PTPRK: variants seen among roughly 807,000 people sequenced by gnomAD.
PTPRK encodes receptor-type tyrosine-protein phosphatase kappa.
Under a neutral mutation model 178.0 loss-of-function variants are expected in PTPRK, and 75 were observed. The ratio of observed to expected loss-of-function variants is 0.42; its 90% CI spans 0.35 to 0.51. The LOEUF (loss-of-function observed/expected upper bound fraction) is 0.51. Ranked by LOEUF, PTPRK falls within the 20% of genes least tolerant of loss-of-function variation. PTPRK has a pLI of 0.02. For missense variants in PTPRK, 1,441 were observed against 1,797.8 expected (o/e 0.80, Z 3.59); for synonymous variants, 637 against 620.6 (o/e 1.03, Z -0.39).
At chr6:128,154,809 T>C (rs928997582) in intron 7 of PTPRK, among the ~76,000 whole-genome samples, 1 of 151,848 alleles carries the variant, frequency 6.6e-6, no homozygotes, top group African/African-American at 2.4e-5. Context: ...TACAAACCTA[T>C]ATTCCATTTT....
At chr6:128,052,355 A>G (rs1434990198) in intron 13 of PTPRK, among the ~76,000 whole-genome samples, 1 of 152,116 alleles carries the variant, frequency 6.6e-6, no homozygotes, top group Admixed American at 6.5e-5. Context: ...AAAATTCCCA[A>G]TTGTCCTAAT....
chr6:128,053,289 G>A (rs1018823010), intron 13 of PTPRK, among the ~76,000 whole-genome samples: 2 of 151,790 alleles, frequency 1.3e-5, no homozygotes, highest in African/African-American at 4.8e-5. Flanking sequence ...CCTTCCCTGT[G>A]CGGCTGTGCT....
intron 7 of PTPRK, among the ~76,000 whole-genome samples, chr6:128,170,967 C>T (rs1024136258): frequency 1.3e-5 from 2 of 151,026 alleles, no homozygotes; most frequent in East Asian, 1.9e-4. Context: ...CGTGCAAATA[C>T]ACAGTTTAGA....
chr6:128,144,906 T>C (rs1796260260), intron 7 of PTPRK, among the ~76,000 whole-genome samples: 1 of 152,152 alleles, frequency 6.6e-6, no homozygotes, highest in Non-Finnish European at 1.5e-5. Context: ...CACAATAACA[T>C]ATGTTCAATG....
chr6:127,989,814 GTT>G lies in PTPRK; in HGVS notation c.3096+953_3096+954del, dbSNP rs35498015. ...CAATTGTGTTTCTTCAGAGATTCTA[GTT>G]TTTTTTTTTTTCTTCTACTGGTATT... is the stretch of plus-strand genomic sequence containing the variant. On this transcript the variant is annotated intron_variant, in intron 21 of 29. Coordinates refer to ENST00000368226, the MANE Select transcript of PTPRK (RefSeq NM_002844.4). 9.2e-3 allele frequency among the ~76,000 whole-genome samples: 1,363 copies of G among 147,382 alleles called. 20 individuals carry two copies. The highest frequency in any genetic ancestry group is 0.031 in the African/African-American group (1,272 of 40,438).
chr6:128,493,146 T>A (rs1287214298), intron 1 of PTPRK, among the ~76,000 whole-genome samples: 2 of 152,208 alleles, frequency 1.3e-5, no homozygotes, highest in African/African-American at 4.8e-5. Context: ...AAGCCAGCAT[T>A]CACCTCCTTT....
intron 2 of PTPRK, among the ~76,000 whole-genome samples, chr6:128,360,357 G>A (rs921151239): frequency 6.6e-6 from 1 of 151,932 alleles, no homozygotes; most frequent in Non-Finnish European, 1.5e-5. Context: ...AGACACTAAT[G>A]TTCTTAAAAT....
At chr6:128,143,608 TA>T (rs1436500392) in intron 7 of PTPRK, among the ~76,000 whole-genome samples, 5 of 152,150 alleles carry the variant, frequency 3.3e-5, no homozygotes, top group African/African-American at 1.2e-4. Context: ...TTATTGCCCT[TA>T]CCTTTCAGCT....
intron 6 of PTPRK, among the ~76,000 whole-genome samples, chr6:128,191,644 TAC>T (rs552968336): frequency 1.9e-4 from 29 of 152,210 alleles, no homozygotes; most frequent in Non-Finnish European, 3.4e-4. Flanking sequence ...TCAAATTGTA[TAC>T]ATATACCAAA....
intron 1 of PTPRK, among the ~76,000 whole-genome samples, chr6:128,505,594 G>A (rs1856218502): frequency 6.6e-6 from 1 of 152,184 alleles, no homozygotes; most frequent in South Asian, 2.1e-4. Flanking sequence ...TTATCTCAGT[G>A]ACATTCAAGC....
intron 1 of PTPRK, among the ~76,000 whole-genome samples, chr6:128,468,629 C>T (rs1202308377): frequency 6.6e-6 from 1 of 152,042 alleles, no homozygotes; most frequent in African/African-American, 2.4e-5. Flanking sequence ...CCAAAACCTC[C>T]AGCAATTCCA....
At chr6:128,173,147 C>G (rs536141386) in intron 7 of PTPRK, among the ~76,000 whole-genome samples, 1 of 152,094 alleles carries the variant, frequency 6.6e-6, no homozygotes, top group East Asian at 1.9e-4. Context: ...CTCTGAGCTA[C>G]CCATTCTGGG....
At chr6:128,500,363 TG>T (rs36030938) in intron 1 of PTPRK, among the ~76,000 whole-genome samples, 1,587 of 150,732 alleles carry the variant, frequency 0.011, 27 homozygotes, top group African/African-American at 0.035. Flanking sequence ...ACTGAAAATT[TG>T]GGGGGGGGAG....
intron 3 of PTPRK, among the ~76,000 whole-genome samples, chr6:128,299,835 C>G (rs994949196): frequency 1.3e-5 from 2 of 152,092 alleles, no homozygotes; most frequent in Non-Finnish European, 2.9e-5. Context: ...GTCTAAAACA[C>G]CAAAAGCAAT....
intron 2 of PTPRK, among the ~76,000 whole-genome samples, chr6:128,384,103 G>A (rs1293194558): frequency 6.6e-6 from 1 of 152,034 alleles, no homozygotes; most frequent in East Asian, 1.9e-4. Context: ...TTTTAGGCTT[G>A]CTCATTACCA....
chr6:128,364,675 T>C (rs1406025087), intron 2 of PTPRK, among the ~76,000 whole-genome samples: 1 of 151,990 alleles, frequency 6.6e-6, no homozygotes, highest in African/African-American at 2.4e-5. Context: ...CAGCAATTAT[T>C]GGGTATTTTA....
At chr6:128,163,688 G>A (rs1183735363) in intron 7 of PTPRK, among the ~76,000 whole-genome samples, 2 of 151,380 alleles carry the variant, frequency 1.3e-5, no homozygotes, top group Non-Finnish European at 3.0e-5. Flanking sequence ...AATTCCAACA[G>A]AAACTATAAT....
intron 15 of PTPRK, chr6:128,000,022 G>C: frequency 1.1e-6 from 1 of 950,932 alleles, no homozygotes; most frequent in Non-Finnish European, 1.3e-6. Flanking sequence ...AATGACCGAA[G>C]TACTAAACAT....
At chr6:128,047,275 G>A (rs1778196791) in intron 13 of PTPRK, among the ~76,000 whole-genome samples, 1 of 152,116 alleles carries the variant, frequency 6.6e-6, no homozygotes, top group South Asian at 2.1e-4. Context: ...AGGGAGTGAG[G>A]AAGGACTTAT....
Sources: gnomAD v4.1 joint callset for allele counts (sites outside exome capture counted in the v4.1 genomes callset) on GRCh38, gnomAD v4.1.1 for gene constraint, MANE v1.5 for transcripts, NCBI Gene and HGNC (gene_info 2026-07-23, HGNC 2026-07-21) for gene names.